SLC7A1: variants seen among roughly 807,000 people sequenced by gnomAD.
The protein encoded by SLC7A1 is solute carrier family 7 member 1.
SLC7A1 carries 10 observed loss-of-function variants against 53.9 expected under a neutral mutation model. The observed-to-expected ratio is 0.19, with a 90% CI of 0.11 to 0.31. The LOEUF is 0.31. Among genes scored for constraint, SLC7A1 ranks in the 10% least tolerant of loss-of-function variants. The pLI is 1.00. For missense variants in SLC7A1, 525 were observed against 827.2 expected, an observed-to-expected ratio of 0.63 and a Z score of 4.48; for synonymous variants, 342 against 338.7, an observed-to-expected ratio of 1.01 and a Z score of -0.11.
intron 1 of SLC7A1, among the ~76,000 whole-genome samples, chr13:29,555,215 G>A (rs948046704): frequency 1.8e-4 from 27 of 148,346 alleles, no homozygotes; most frequent in African/African-American, 4.7e-4. Flanking sequence ...AAAATTAGCC[G>A]GGCGTAGTGG....
intron 1 of SLC7A1, among the ~76,000 whole-genome samples, chr13:29,581,938 T>C (rs1871665208): frequency 6.6e-6 from 1 of 152,244 alleles, no homozygotes; most frequent in Admixed American, 6.5e-5. Context: ...AATGGGATTT[T>C]TCTTCTCGGA....
chr13:29,584,847 A>C (rs11842773), intron 1 of SLC7A1, among the ~76,000 whole-genome samples: 3,508 of 152,360 alleles, frequency 0.023, 129 homozygotes, highest in African/African-American at 0.079. Context: ...ATTAACCCAT[A>C]AGATTTAGTC....
intron 1 of SLC7A1, among the ~76,000 whole-genome samples, chr13:29,557,234 C>T (rs549229543): frequency 2.6e-5 from 4 of 152,282 alleles, no homozygotes; most frequent in African/African-American, 4.8e-5. Flanking sequence ...TCTTGATGGG[C>T]TTCCAGGGGT....
chr13:29,560,592 T>C (rs1453510610), intron 1 of SLC7A1, among the ~76,000 whole-genome samples: 3 of 152,072 alleles, frequency 2.0e-5, no homozygotes, highest in Non-Finnish European at 2.9e-5. Flanking sequence ...CTGTACCTAA[T>C]TGCATGTGCT....
At chr13:29,565,135 C>T (rs1870913754) in intron 1 of SLC7A1, among the ~76,000 whole-genome samples, 1 of 152,212 alleles carries the variant, frequency 6.6e-6, no homozygotes, top group South Asian at 2.1e-4. Context: ...AATGAGCTAA[C>T]TGGGCAGACT....
At chr13:29,529,738 C>T (rs957872468) in intron 5 of SLC7A1, among the ~76,000 whole-genome samples, 2 of 152,246 alleles carry the variant, frequency 1.3e-5, no homozygotes, top group Non-Finnish European at 2.9e-5. Flanking sequence ...TTTATCATAG[C>T]AGTTTCAACC....
intron 2 of SLC7A1, among the ~76,000 whole-genome samples, chr13:29,545,565 G>A (rs1304632197): frequency 2.0e-5 from 3 of 152,210 alleles, no homozygotes; most frequent in African/African-American, 7.2e-5. Context: ...CTCTTCAAAT[G>A]CAAAGAACCA....
At chr13:29,551,502 A>G (rs1870185998) in intron 2 of SLC7A1, among the ~76,000 whole-genome samples, 1 of 152,104 alleles carries the variant, frequency 6.6e-6, no homozygotes, top group African/African-American at 2.4e-5. Flanking sequence ...GTGCCCCAAC[A>G]CCACCCAAGG....
chr13:29,535,778 A>G (rs1358909655), intron 3 of SLC7A1, 41 bp downstream of exon 3: 1 of 1,580,466 alleles, frequency 6.3e-7, no homozygotes, highest in Non-Finnish European at 8.6e-7. Context: ...AACAAACAGA[A>G]AAGTGGTAGA....
chr13:29,568,997 T>C (rs1157200455), intron 1 of SLC7A1, among the ~76,000 whole-genome samples: 1 of 152,182 alleles, frequency 6.6e-6, no homozygotes, highest in Non-Finnish European at 1.5e-5. Flanking sequence ...GTCCAGTCAC[T>C]TTGATTCCAT....
intron 3 of SLC7A1, among the ~76,000 whole-genome samples, chr13:29,535,181 T>C (rs961923925): frequency 6.6e-6 from 1 of 152,188 alleles, no homozygotes; most frequent in Non-Finnish European, 1.5e-5. Context: ...AATTAACTGT[T>C]AATAACAACA....
chr13:29,542,542 G>C (rs1869712894), intron 2 of SLC7A1, among the ~76,000 whole-genome samples: 1 of 152,068 alleles, frequency 6.6e-6, no homozygotes, highest in Non-Finnish European at 1.5e-5. Flanking sequence ...AATTAGCTGG[G>C]CACTGTGGTA....
At chr13:29,580,550 A>G (rs966229079) in intron 1 of SLC7A1, among the ~76,000 whole-genome samples, 6 of 152,136 alleles carry the variant, frequency 3.9e-5, no homozygotes, top group Admixed American at 6.5e-5. Context: ...ACACCTGGAA[A>G]CAAGTCTTAA....
At chr13:29,569,322 G>C (rs756905972) in intron 1 of SLC7A1, among the ~76,000 whole-genome samples, 9 of 152,294 alleles carry the variant, frequency 5.9e-5, no homozygotes, top group Non-Finnish European at 1.2e-4. Flanking sequence ...GGTTGAGGGT[G>C]TTAGAAGTGG....
chr13:29,512,414 T>G lies in SLC7A1; in HGVS notation c.*2066A>C, dbSNP rs1883420401. 1 of 152,096 alleles carries G rather than the reference T, an allele frequency of 6.6e-6. No individual in the cohort carries two copies. The highest frequency in any genetic ancestry group is 6.5e-5 in the Admixed American group (1 of 15,270). 9.4% of individuals were successfully genotyped at this position (152,096 alleles called of 1,614,324 possible). On this transcript the variant is annotated 3_prime_UTR_variant, in exon 13 of 13. Coordinates refer to ENST00000380752, the MANE Select transcript of SLC7A1 (RefSeq NM_003045.5). ...TGTCAAATGTCAACTCTAAATAGTC[T>G]ATTGGGTGCTGTCTTGCACGGAAAT...
intron 1 of SLC7A1, among the ~76,000 whole-genome samples, chr13:29,584,258 C>T (rs1041445005): frequency 6.6e-6 from 1 of 152,138 alleles, no homozygotes; most frequent in Non-Finnish European, 1.5e-5. Flanking sequence ...GGACCCAGCC[C>T]TCTGCTAGGA....
Sources: allele counts gnomAD v4.1 joint callset (sites outside exome capture counted in the v4.1 genomes callset), GRCh38; gene constraint gnomAD v4.1.1; transcripts MANE v1.5; gene names NCBI Gene and HGNC (gene_info 2026-07-23, HGNC 2026-07-21).